The following TAF15 variants were observed in gnomAD, a reference collection of about 807,000 sequenced individuals.
TAF15 encodes the protein TATA-box binding protein associated factor 15, also known as TATA-binding protein-associated factor 2N.
TAF15 carries 37 observed loss-of-function variants against 102.5 expected under a neutral mutation model. That is an observed-to-expected ratio of 0.36 (90% CI 0.28 to 0.47). The LOEUF (loss-of-function observed/expected upper bound fraction) is 0.47. Among genes scored for constraint, TAF15 ranks in the 20% least tolerant of loss-of-function variants. TAF15 has a pLI of 0.99. For synonymous variants in TAF15, 273 were observed against 259.2 expected (o/e 1.05, Z -0.51); for missense variants, 652 against 760.7 (o/e 0.86, Z 1.68).
chr17:35,838,671 G>C, intron 11 of TAF15, 118 bp downstream of exon 11: 1 of 1,467,876 alleles, frequency 6.8e-7, no homozygotes, highest in African/African-American at 1.4e-5. Context: ...CAGATATTAA[G>C]AATACAGGTC....
rs940356713 is a variant in TAF15 at position 35,828,989 on chromosome 17, T to A, written c.605+4791T>A. Among the ~76,000 whole-genome samples, 5 of 152,160 alleles carry A rather than the reference T, an allele frequency of 3.3e-5. No homozygotes were observed. In the South Asian group the frequency reaches 8.3e-4, roughly 25 times the overall value. ...TCCTGAGATGTTGATAAATGCTGAA[T>A]CCAGAAAGCCTTTTTACCATGCATG... On this transcript the variant is annotated intron_variant, in intron 7 of 15. Transcript: ENST00000605844.
intron 1 of TAF15, among the ~76,000 whole-genome samples, chr17:35,813,359 C>A (rs1386379746): frequency 6.6e-6 from 1 of 151,766 alleles, no homozygotes; most frequent in Non-Finnish European, 1.5e-5. Context: ...AGATTTCAGG[C>A]ATGGTGGCTC....
Position 35,825,719 on chromosome 17 carries a change from C to T in TAF15, c.605+1521C>T, listed in dbSNP as rs1351257122. ...ATCCCAGCACTTTGGGAGGCCGAGG[C>T]GGGCGGATCACGAGGTCAGGAGATG... On this transcript the variant is annotated intron_variant, in intron 7 of 15. Coordinates refer to ENST00000605844, the MANE Select transcript of TAF15 (RefSeq NM_139215.3). Among the ~76,000 whole-genome samples the T allele has an allele frequency of 2.4e-4, 36 of 152,048 alleles. 1 individual carries two copies. Among genetic ancestry groups the T allele is most frequent in the Admixed American group, 1.8e-3 (28 of 15,262 alleles).
At chr17:35,841,736 C>G (rs191739863) in intron 11 of TAF15, among the ~76,000 whole-genome samples, 3 of 145,552 alleles carry the variant, frequency 2.1e-5, no homozygotes, top group South Asian at 2.2e-4. Flanking sequence ...ATCACACTGT[C>G]TTCCAGGCTA....
At chr17:35,836,081 A>G (rs753300452) in intron 9 of TAF15, 51 bp from the exon 10 acceptor site, 26 of 1,244,362 alleles carry the variant, frequency 2.1e-5, no homozygotes, top group Non-Finnish European at 2.8e-5. Context: ...ACTGAACAGA[A>G]TGTCATAACC....
rs1274891711 is a variant in TAF15 at position 35,817,411 on chromosome 17, T to C, written c.8-305T>C. The C allele has an allele frequency of 8.6e-6, 3 of 349,912 alleles. No individual in the cohort carries two copies. In the East Asian group the frequency reaches 1.9e-4, roughly 22 times the overall value. The allele number at this position is 349,912 out of a possible 1,614,324, so 21.7% of individuals were successfully genotyped here. A position where few individuals can be genotyped will look rare whatever the true frequency, so the allele number is the denominator to read the frequency against. On this transcript the variant is annotated intron_variant, in intron 1 of 15. Transcript: ENST00000605844. ...ATTAGTTTTAACAGATGTCTTTTTG[T>C]ATATAATAATATTGCTTAAGGTCTT...
At chr17:35,833,207 A>G (rs1372491726) in intron 7 of TAF15, among the ~76,000 whole-genome samples, 3 of 152,024 alleles carry the variant, frequency 2.0e-5, no homozygotes, top group Non-Finnish European at 4.4e-5. Flanking sequence ...GCTGTCTGTA[A>G]TGTGCACTAC....
At chr17:35,846,077 T>C (rs776900864) in intron 15 of TAF15, among the ~76,000 whole-genome samples, 82 of 152,176 alleles carry the variant, frequency 5.4e-4, no homozygotes, top group Non-Finnish European at 8.7e-4. Context: ...AGACCAATGA[T>C]AGAAAGTAAC....
intron 1 of TAF15, among the ~76,000 whole-genome samples, chr17:35,816,332 C>T (rs924464271): frequency 1.3e-5 from 2 of 152,116 alleles, no homozygotes; most frequent in South Asian, 2.1e-4. Context: ...TACTGAGCCC[C>T]TATCTCTAAA....
At chr17:35,843,344 G>A (rs529947745) in intron 12 of TAF15, among the ~76,000 whole-genome samples, 27 of 152,056 alleles carry the variant, frequency 1.8e-4, no homozygotes, top group South Asian at 1.5e-3. Flanking sequence ...GGCTGGTCTC[G>A]AACTCCCGAC....
intron 13 of TAF15, 49 bp downstream of exon 13, chr17:35,844,207 G>T: frequency 6.2e-7 from 1 of 1,611,620 alleles, no homozygotes; most frequent in South Asian, 1.1e-5. Context: ...GATTGGGGCT[G>T]TGGAGGATAC....
At chr17:35,815,781 C>G (rs2087188428) in intron 1 of TAF15, among the ~76,000 whole-genome samples, 1 of 152,110 alleles carries the variant, frequency 6.6e-6, no homozygotes, top group Non-Finnish European at 1.5e-5. Flanking sequence ...GGCATCTAAT[C>G]TCTTAATGGT....
At chr17:35,834,041 G>T (rs1203928885) in intron 8 of TAF15, 100 bp downstream of exon 8, 16 of 1,226,254 alleles carry the variant, frequency 1.3e-5, no homozygotes, top group Non-Finnish European at 1.8e-5. Context: ...TTCTTACTCT[G>T]TTGAGGCTGG....
Position 35,844,608 on chromosome 17 carries a change from T to C in TAF15, c.1309T>C (p.Tyr437His). 6.6e-7 allele frequency: 1 copy of C among 1,505,478 alleles called. No homozygotes were observed. The highest frequency in any genetic ancestry group is 2.5e-5 in the East Asian group (1 of 40,202). The allele number at this position is 1,505,478 out of a possible 1,614,324, so 93.3% of individuals were successfully genotyped here. The change falls in exon 15 of 16, where the codon TAC (tyrosine) becomes CAC (histidine). Residue 437 changes from tyrosine to histidine, a missense_variant. Coordinates refer to ENST00000605844, the MANE Select transcript of TAF15 (RefSeq NM_139215.3). The part of the protein sequence containing the change: ...YGGDRSSGGG[Y>H]SGDRSGGGYG... ...TGGAGACAGAAGCAGCGGTGGTGGC[T>C]ACAGCGGAGATAGAAGTGGGGGCGG...
At position 35,838,448 on chromosome 17, in the gene TAF15, A is replaced by G. The variant is rs773083509; in HGVS notation, c.808A>G (p.Met270Val). 1.2e-6 allele frequency: 2 copies of G among 1,614,220 alleles called. No homozygotes were observed. Among genetic ancestry groups the G allele is most frequent in the Non-Finnish European group, 1.7e-6 (2 of 1,180,042 alleles). Reference sequence around the variant, plus strand: ...GACAAATAAGAAGACCGGAAAACCAATGATAAATCTTTATACAGACAAGGA... The same window carrying G: ...GACAAATAAGAAGACCGGAAAACCAGTGATAAATCTTTATACAGACAAGGA... Reference protein sequence around the residue: ...IKTNKKTGKPMINLYTDKDTG... With the variant: ...IKTNKKTGKPVINLYTDKDTG... Residue 270 changes from methionine (M) to valine (V), a missense_variant, in exon 11 of 16, where the codon ATG becomes GTG. Physicochemically the swap from Met to Val is conservative, Grantham distance 21 (BLOSUM62 1). Around this residue, in one of 3 missense-constraint regions of TAF15, gnomAD observed 41 missense variants for 109.1 expected, o/e 0.38. Coordinates refer to ENST00000605844, the MANE Select transcript of TAF15 (RefSeq NM_139215.3).
Position 35,837,664 on chromosome 17 carries a change from G to A in TAF15, c.784-760G>A, listed in dbSNP as rs966542611. Among the ~76,000 whole-genome samples the A allele has an allele frequency of 2.6e-5, 4 of 151,766 alleles. No individual in the cohort carries two copies. The East Asian group carries it at 5.9e-4, about 22-fold the overall frequency. The stretch of plus-strand genomic sequence containing the variant: ...AACACGATGAAACCCTGTCTCTACT[G>A]AAAATACAAGAAATTAGATGGGCGT... On this transcript the variant is annotated intron_variant, in intron 10 of 15. Coordinates refer to ENST00000605844, the MANE Select transcript of TAF15 (RefSeq NM_139215.3).
intron 2 of TAF15, among the ~76,000 whole-genome samples, chr17:35,819,206 T>G (rs2143756116): frequency 6.6e-6 from 1 of 152,360 alleles, no homozygotes; most frequent in East Asian, 1.9e-4. Context: ...AAAATGTTTA[T>G]TTGGTGAAAT....
chr17:35,814,135 C>T (rs986868355), intron 1 of TAF15, among the ~76,000 whole-genome samples: 4 of 151,736 alleles, frequency 2.6e-5, no homozygotes, highest in Non-Finnish European at 5.9e-5. Context: ...TTGAACTCCT[C>T]AGCTCAAGCA....
rs1396266219 is a variant in TAF15, at chr17:35,820,375, C to T, written c.228C>T (p.Ser76=). 2.5e-6 allele frequency: 4 copies of T among 1,613,902 alleles called. No individual in the cohort carries two copies. Among genetic ancestry groups the T allele is most frequent in the Non-Finnish European group, 3.4e-6 (4 of 1,179,958 alleles). The part of the protein sequence containing the change: ...SYGGYENQKQ[S]SYSQQPYNNQ... ...GTGGTTATGAGAATCAAAAGCAGAGCTCATATAGCCAGCAACCATATAATA... is the reference window on the plus strand; with the variant it reads ...GTGGTTATGAGAATCAAAAGCAGAGTTCATATAGCCAGCAACCATATAATA... Residue 76 remains serine, a synonymous_variant, in exon 5 of 16, where the codon AGC becomes AGT. Coordinates refer to ENST00000605844, the MANE Select transcript of TAF15 (RefSeq NM_139215.3).
Sources: gnomAD v4.1 joint callset for allele counts (sites outside exome capture counted in the v4.1 genomes callset) on GRCh38, gnomAD v4.1.1 for gene constraint, gnomAD v4.1.1 regional missense constraint, MANE v1.5 for transcripts, NCBI Gene and HGNC (gene_info 2026-07-23, HGNC 2026-07-21) for gene names.